Variants in TXNDC16 observed in about 807,000 individuals in gnomAD.
TXNDC16 encodes thioredoxin domain containing 16, also known as thioredoxin domain-containing protein 16.
Under a neutral mutation model 85.6 loss-of-function variants are expected in TXNDC16, and 74 were observed. That is an observed-to-expected ratio of 0.86 (90% CI 0.72 to 1.05). TXNDC16 has a LOEUF of 1.05. Among genes scored for constraint, TXNDC16 ranks in the 50% least tolerant of loss-of-function variants. The pLI is 0.00. For synonymous variants in TXNDC16, 335 were observed against 326.5 expected, an observed-to-expected ratio of 1.03 and a Z score of -0.28; for missense variants, 959 against 947.0, an observed-to-expected ratio of 1.01 and a Z score of -0.17.
intron 4 of TXNDC16, among the ~76,000 whole-genome samples, chr14:52,538,319 T>C (rs940585246): frequency 1.3e-5 from 2 of 152,162 alleles, no homozygotes; most frequent in East Asian, 1.9e-4. Context: ...TTGCAAAGAA[T>C]GGTACAACAG....
Position 52,511,386 on chromosome 14 carries a change from C to A in TXNDC16, c.610G>T (p.Glu204Ter). The A allele has an allele frequency of 6.4e-7, 1 of 1,566,470 alleles. No individual in the cohort carries two copies. The highest frequency in any genetic ancestry group is 8.7e-7 in the Non-Finnish European group (1 of 1,150,242). The part of the protein sequence containing the change: ...EIALLESIGS[E>*]DVEYAHLYFF... The stretch of plus-strand genomic sequence containing the variant: ...TAGAGATGTGCATATTCCACATCCT[C>A]AGAGCTACAAATTAAAAATTAATTA... Residue 204 changes from glutamate (E) to a stop codon, truncating the protein, a stop_gained, in exon 9 of 21, where the codon GAG (glutamate) becomes TAG (stop). Transcript: ENST00000281741. LOFTEE classifies it high-confidence loss of function.
intron 11 of TXNDC16, among the ~76,000 whole-genome samples, chr14:52,489,820 G>C (rs931082767): frequency 4.6e-5 from 7 of 152,034 alleles, no homozygotes; most frequent in Non-Finnish European, 7.4e-5. Context: ...TCACTGCTAT[G>C]GTTTGAATTC....
chr14:52,507,594 C>T (rs1017118103), intron 9 of TXNDC16, among the ~76,000 whole-genome samples: 1 of 152,100 alleles, frequency 6.6e-6, no homozygotes, highest in South Asian at 2.1e-4. Context: ...AAAAAAGAGC[C>T]CACATTGCCA....
intron 18 of TXNDC16, among the ~76,000 whole-genome samples, chr14:52,454,080 T>C (rs918756466): frequency 2.0e-5 from 3 of 152,172 alleles, no homozygotes; most frequent in African/African-American, 7.2e-5. Context: ...CTTGAGGTAA[T>C]GGATACCCTA....
Position 52,540,430 on chromosome 14 carries a change from G to A in TXNDC16, c.243+1941C>T, listed in dbSNP as rs572356717. ...ACCCGAAGTCAGGAGTTTGAGACCA[G>A]CCTGACCAATATGGTGAAACCCCAT... is the stretch of plus-strand genomic sequence containing the variant. On this transcript the variant is annotated intron_variant, in intron 4 of 20. Coordinates refer to ENST00000281741, the MANE Select transcript of TXNDC16 (RefSeq NM_020784.3). Among the ~76,000 whole-genome samples the A allele has an allele frequency of 4.6e-5, 7 of 152,228 alleles. No individual in the cohort carries two copies. The South Asian group carries it at 1.5e-3, about 32-fold the overall frequency.
At chr14:52,473,222 C>G (rs779569126) in intron 14 of TXNDC16, among the ~76,000 whole-genome samples, 4 of 152,126 alleles carry the variant, frequency 2.6e-5, no homozygotes, top group Non-Finnish European at 5.9e-5. Context: ...TATTGAACCT[C>G]TGCTCCTAAA....
intron 7 of TXNDC16, 23 bp downstream of exon 7, chr14:52,519,149 T>C (rs2037151436): frequency 6.2e-7 from 1 of 1,602,020 alleles, no homozygotes; most frequent in African/African-American, 1.3e-5. Flanking sequence ...ACAGCAAAGA[T>C]TAAAGCAAAA....
At chr14:52,436,592 A>G (rs758641413) in intron 20 of TXNDC16, among the ~76,000 whole-genome samples, 5 of 152,198 alleles carry the variant, frequency 3.3e-5, no homozygotes, top group Admixed American at 6.5e-5. Context: ...CAATAAAAAT[A>G]CCATCCATAT....
At chr14:52,498,832 A>G (rs2036591125) in intron 9 of TXNDC16, among the ~76,000 whole-genome samples, 1 of 152,176 alleles carries the variant, frequency 6.6e-6, no homozygotes, top group African/African-American at 2.4e-5. Context: ...CCTAAAATTC[A>G]TATGGAATCT....
At chr14:52,529,945 TTA>T (rs990510373) in intron 6 of TXNDC16, among the ~76,000 whole-genome samples, 2 of 98,746 alleles carry the variant, frequency 2.0e-5, no homozygotes, top group Non-Finnish European at 3.6e-5. Context: ...TATATATGAA[TTA>T]TATATTACAT....
intron 2 of TXNDC16, 33 bp from the exon 3 acceptor site, chr14:52,543,663 T>C (rs2037882878): frequency 3.3e-6 from 4 of 1,229,914 alleles, no homozygotes; most frequent in African/African-American, 3.1e-5. Flanking sequence ...CAAGAGTTTG[T>C]TGAATGAATT....
intron 9 of TXNDC16, among the ~76,000 whole-genome samples, chr14:52,508,421 C>T (rs1350508114): frequency 4.6e-5 from 7 of 151,978 alleles, no homozygotes; most frequent in South Asian, 2.1e-4. Flanking sequence ...AAACAACAGG[C>T]GCTGGAGGGG....
intron 6 of TXNDC16, among the ~76,000 whole-genome samples, chr14:52,520,009 T>C (rs2037173001): frequency 6.6e-6 from 1 of 152,212 alleles, no homozygotes; most frequent in African/African-American, 2.4e-5. Flanking sequence ...ATTTTGCATA[T>C]TTTATCACTA....
chr14:52,491,049 C>T, intron 9 of TXNDC16, 44 bp from the exon 10 acceptor site: 3 of 1,536,912 alleles, frequency 2.0e-6, no homozygotes, highest in Non-Finnish European at 2.6e-6. Context: ...TAACAATATT[C>T]CAACATTTGG....
intron 4 of TXNDC16, among the ~76,000 whole-genome samples, chr14:52,538,083 T>C (rs2037744573): frequency 6.6e-6 from 1 of 152,196 alleles, no homozygotes; most frequent in African/African-American, 2.4e-5. Flanking sequence ...CTAACAGAAC[T>C]TTGCTAAAAG....
chr14:52,500,749 T>A lies in TXNDC16; in HGVS notation c.757-9744A>T, dbSNP rs147255740. 4.8e-3 allele frequency among the ~76,000 whole-genome samples: 726 copies of A among 152,322 alleles called. 4 individuals are homozygous for A. Among genetic ancestry groups the A allele is most frequent in the African/African-American group, 0.017 (701 of 41,576 alleles). On this transcript the variant is annotated intron_variant, in intron 9 of 20. Coordinates refer to ENST00000281741, the MANE Select transcript of TXNDC16 (RefSeq NM_020784.3). Reference sequence around the variant, plus strand: ...AACAGCATCTTTCTAATTTCCTATATAAAAGAGTAGGTTTAACTTAATTCA... The same window carrying A: ...AACAGCATCTTTCTAATTTCCTATAAAAAAGAGTAGGTTTAACTTAATTCA...
intron 16 of TXNDC16, among the ~76,000 whole-genome samples, chr14:52,457,893 T>C (rs1315924425): frequency 6.6e-6 from 1 of 152,226 alleles, no homozygotes; most frequent in African/African-American, 2.4e-5. Context: ...CTGAATTAAA[T>C]CATTGTAGAC....
intron 6 of TXNDC16, among the ~76,000 whole-genome samples, chr14:52,528,935 TATA>T (rs909280138): frequency 1.4e-5 from 2 of 147,778 alleles, no homozygotes; most frequent in African/African-American, 4.9e-5. Context: ...ATATATTGTC[TATA>T]ATACCTATTC....
intron 9 of TXNDC16, among the ~76,000 whole-genome samples, chr14:52,509,354 C>G (rs1400885778): frequency 6.6e-6 from 1 of 151,982 alleles, no homozygotes; most frequent in Non-Finnish European, 1.5e-5. Context: ...GGAAGTGAAC[C>G]TGGAGGGAAA....
Sources: allele counts gnomAD v4.1 joint callset (sites outside exome capture counted in the v4.1 genomes callset), GRCh38; gene constraint gnomAD v4.1.1; transcripts MANE v1.5; gene names NCBI Gene and HGNC (gene_info 2026-07-23, HGNC 2026-07-21).